The following GRIP1 variants were observed in gnomAD, a reference collection of about 807,000 sequenced individuals.
GRIP1 encodes glutamate receptor interacting protein 1, also known as glutamate receptor-interacting protein 1.
In GRIP1, 45 loss-of-function variants were observed where a neutral mutation model predicts 129.9. That is an observed-to-expected ratio of 0.35 (90% confidence interval 0.27 to 0.44). GRIP1 has a LOEUF of 0.44. Among genes scored for constraint, GRIP1 ranks in the 20% least tolerant of loss-of-function variants. GRIP1 has a pLI of 1.00. For synonymous variants in GRIP1, 530 were observed against 520.8 expected, an observed-to-expected ratio of 1.02 and a Z score of -0.24; for missense variants, 1,196 against 1,396.8, an observed-to-expected ratio of 0.86 and a Z score of 2.29.
At chr12:66,394,425 C>CAT (rs2056713546) in intron 16 of GRIP1, 73 bp from the exon 17 acceptor site, 2 of 1,250,484 alleles carry the variant, frequency 1.6e-6, no homozygotes, top group East Asian at 4.6e-5. Context: ...TAGATTCATA[C>CAT]ATAAAAGAAT....
chr12:67,008,745 T>A (rs766434030), intron 1 of GRIP1, among the ~76,000 whole-genome samples: 2 of 152,148 alleles, frequency 1.3e-5, no homozygotes, highest in Non-Finnish European at 2.9e-5. Flanking sequence ...CAGTAAGTGC[T>A]AAAGAAACTA....
At chr12:66,419,953 C>T (rs369329024) in intron 15 of GRIP1, among the ~76,000 whole-genome samples, 4 of 152,170 alleles carry the variant, frequency 2.6e-5, no homozygotes, top group East Asian at 1.9e-4. Flanking sequence ...AAAACTTAGC[C>T]GGGCATGGCG....
intron 7 of GRIP1, among the ~76,000 whole-genome samples, chr12:66,480,804 A>C (rs2059780572): frequency 6.6e-6 from 1 of 152,202 alleles, no homozygotes; most frequent in Non-Finnish European, 1.5e-5. Context: ...AAAAACAAGC[A>C]ATGGGGAAAG....
At chr12:66,996,817 G>C (rs2135666586) in intron 1 of GRIP1, among the ~76,000 whole-genome samples, 2 of 152,236 alleles carry the variant, frequency 1.3e-5, no homozygotes, top group Non-Finnish European at 2.9e-5. Context: ...TCTACCTACT[G>C]AAAGAAGTTC....
At chr12:66,672,410 A>G (rs2034124485) in intron 1 of GRIP1, among the ~76,000 whole-genome samples, 1 of 152,134 alleles carries the variant, frequency 6.6e-6, no homozygotes, top group Non-Finnish European at 1.5e-5. Flanking sequence ...GCTTTTTGTA[A>G]TGGCAAGGTC....
intron 1 of GRIP1, among the ~76,000 whole-genome samples, chr12:66,777,289 G>A (rs766777043): frequency 6.6e-6 from 1 of 151,964 alleles, no homozygotes; most frequent in Non-Finnish European, 1.5e-5. Flanking sequence ...AAATGTGACA[G>A]GTACCCTCCC....
chr12:66,943,824 T>C (rs1235223969), intron 1 of GRIP1, among the ~76,000 whole-genome samples: 1 of 152,226 alleles, frequency 6.6e-6, no homozygotes, highest in Non-Finnish European at 1.5e-5. Context: ...TTTGATTCAA[T>C]ATATTTGACT....
intron 7 of GRIP1, among the ~76,000 whole-genome samples, chr12:66,484,795 T>C (rs1343960250): frequency 1.3e-5 from 2 of 152,174 alleles, no homozygotes; most frequent in Non-Finnish European, 2.9e-5. Context: ...CAACACTTTA[T>C]TGTCTATTTC....
intron 1 of GRIP1, among the ~76,000 whole-genome samples, chr12:66,733,994 T>C (rs905491718): frequency 6.6e-6 from 1 of 152,026 alleles, no homozygotes; most frequent in African/African-American, 2.4e-5. Context: ...AGAGAGGTGG[T>C]TTTCTACGTA....
chr12:66,960,931 T>C (rs560573350), intron 1 of GRIP1, among the ~76,000 whole-genome samples: 32 of 151,626 alleles, frequency 2.1e-4, no homozygotes, highest in African/African-American at 7.5e-4. Flanking sequence ...TCTTAATCAG[T>C]AGTCAGCTCC....
At chr12:67,057,878 T>C (rs1438322731) in intron 1 of GRIP1, among the ~76,000 whole-genome samples, 1 of 152,226 alleles carries the variant, frequency 6.6e-6, no homozygotes, top group Non-Finnish European at 1.5e-5. Flanking sequence ...TTAACGAAAA[T>C]GTGCTCTGCA....
chr12:66,372,808 T>A (rs1164919500), intron 22 of GRIP1, among the ~76,000 whole-genome samples: 1 of 152,028 alleles, frequency 6.6e-6, no homozygotes, highest in Non-Finnish European at 1.5e-5. Context: ...TATTCATTTC[T>A]CATGGTTGGA....
chr12:66,781,161 C>T (rs77681786), intron 1 of GRIP1, among the ~76,000 whole-genome samples: 4,702 of 152,252 alleles, frequency 0.031, 114 homozygotes, highest in Admixed American at 0.056. Context: ...TAAAAGTTGT[C>T]TTAATTTTTG....
chr12:66,975,876 G>C (rs2042143769), intron 1 of GRIP1, among the ~76,000 whole-genome samples: 1 of 152,220 alleles, frequency 6.6e-6, no homozygotes, highest in Non-Finnish European at 1.5e-5. Context: ...GCTGTTAAGA[G>C]CCATGCCCTG....
chr12:66,580,097 A>G (rs1260391261), intron 2 of GRIP1, among the ~76,000 whole-genome samples: 1 of 149,082 alleles, frequency 6.7e-6, no homozygotes, highest in Non-Finnish European at 1.5e-5. Context: ...AGTGGGGGCC[A>G]ATATTCAACA....
chr12:66,966,254 A>C (rs2041997214), intron 1 of GRIP1, among the ~76,000 whole-genome samples: 1 of 152,180 alleles, frequency 6.6e-6, no homozygotes, highest in Non-Finnish European at 1.5e-5. Context: ...TAATTCTACA[A>C]ATGAACACAT....
intron 1 of GRIP1, among the ~76,000 whole-genome samples, chr12:66,790,923 G>A (rs2038512580): frequency 6.6e-6 from 1 of 152,184 alleles, no homozygotes; most frequent in African/African-American, 2.4e-5. Context: ...AGGTATCAAA[G>A]AGAGGCTGGA....
intron 1 of GRIP1, among the ~76,000 whole-genome samples, chr12:66,693,007 G>A (rs2136320750): frequency 6.6e-6 from 1 of 152,266 alleles, no homozygotes; most frequent in South Asian, 2.1e-4. Context: ...AATGTTACAG[G>A]AGTTATGAAT....
intron 1 of GRIP1, among the ~76,000 whole-genome samples, chr12:66,865,472 GT>G (rs34415330): frequency 0.29 from 42,525 of 146,126 alleles, 6,777 homozygotes; most frequent in Non-Finnish European, 0.37. Context: ...CTTTGTGGTA[GT>G]TTTTTTTTTT....
Sources: gnomAD v4.1 joint callset for allele counts (sites outside exome capture counted in the v4.1 genomes callset) on GRCh38, gnomAD v4.1.1 for gene constraint, MANE v1.5 for transcripts, NCBI Gene and HGNC (gene_info 2026-07-23, HGNC 2026-07-21) for gene names.